CADM2: variants seen among roughly 807,000 people sequenced by gnomAD.
CADM2 encodes immunoglobulin superfamily member 4D.
A neutral mutation model predicts 49.8 loss-of-function variants in CADM2; 12 were observed. The observed-to-expected ratio is 0.24, with a 90% CI of 0.15 to 0.39. The LOEUF (loss-of-function observed/expected upper bound fraction) is 0.39. Ranked by LOEUF, CADM2 falls within the 10% of genes least tolerant of loss-of-function variation. CADM2 has a pLI of 1.00. For synonymous variants in CADM2, 214 were observed against 175.4 expected, an observed-to-expected ratio of 1.22 and a Z score of -1.74; for missense variants, 378 against 492.3, an observed-to-expected ratio of 0.77 and a Z score of 2.20.
intron 1 of CADM2, among the ~76,000 whole-genome samples, chr3:85,266,559 C>A (rs1474459745): frequency 1.6e-5 from 1 of 60,844 alleles, no homozygotes; most frequent in Non-Finnish European, 4.0e-5. Flanking sequence ...TGATTTATCT[C>A]AATGATAAGG....
intron 2 of CADM2, among the ~76,000 whole-genome samples, chr3:85,763,282 A>C (rs2069486919): frequency 6.6e-6 from 1 of 152,184 alleles, no homozygotes; most frequent in African/African-American, 2.4e-5. Context: ...ATCCCATGCT[A>C]ACTTCTCATA....
chr3:85,790,507 C>A (rs2071260023), intron 2 of CADM2, among the ~76,000 whole-genome samples: 1 of 152,126 alleles, frequency 6.6e-6, no homozygotes, highest in African/African-American at 2.4e-5. Flanking sequence ...AATTATAATT[C>A]TCTGGGTCAG....
intron 1 of CADM2, among the ~76,000 whole-genome samples, chr3:85,494,861 G>A (rs1210208270): frequency 2.0e-5 from 3 of 152,100 alleles, no homozygotes; most frequent in South Asian, 2.1e-4. Flanking sequence ...CTCCCTTGTA[G>A]GTCTATGCTG....
At chr3:85,621,581 C>T (rs2063979172) in intron 1 of CADM2, among the ~76,000 whole-genome samples, 1 of 152,086 alleles carries the variant, frequency 6.6e-6, no homozygotes, top group Non-Finnish European at 1.5e-5. Context: ...TGCGATTACT[C>T]TGCTCTGTTT....
chr3:85,968,401 T>C (rs1418530243), intron 8 of CADM2, among the ~76,000 whole-genome samples: 1 of 151,328 alleles, frequency 6.6e-6, no homozygotes, highest in Non-Finnish European at 1.5e-5. Flanking sequence ...GGCTTAATTA[T>C]ATGTCTCTGT....
At chr3:85,774,582 C>T (rs1350600789) in intron 2 of CADM2, among the ~76,000 whole-genome samples, 6 of 151,254 alleles carry the variant, frequency 4.0e-5, no homozygotes, top group Admixed American at 4.0e-4. Flanking sequence ...CTCTTGCAAC[C>T]AGAAATATTG....
intron 7 of CADM2, 86 bp downstream of exon 7, chr3:85,935,943 G>A (rs1332140255): frequency 1.5e-6 from 1 of 683,908 alleles, no homozygotes; most frequent in African/African-American, 1.8e-5. Flanking sequence ...GAAATCCACA[G>A]TTTGTGTCTT....
chr3:85,927,815 C>A (rs1720068363), intron 6 of CADM2, among the ~76,000 whole-genome samples: 2 of 149,380 alleles, frequency 1.3e-5, no homozygotes, highest in Admixed American at 6.9e-5. Flanking sequence ...TATTCAATTA[C>A]AAAAGAAATA....
intron 1 of CADM2, among the ~76,000 whole-genome samples, chr3:85,043,883 C>T (rs2035545502): frequency 6.6e-6 from 1 of 152,028 alleles, no homozygotes; most frequent in African/African-American, 2.4e-5. Context: ...ATGAATGCTA[C>T]CAAACTTCTA....
Position 85,726,463 on chromosome 3 carries a change from A to T in CADM2, c.62-59A>T, listed in dbSNP as rs2067699009. ...TAACATCTCTGCTTTCTTACTAGAG[A>T]ATCTGTCTAATATCTAATATGTTTG... On this transcript the variant is annotated intron_variant, in intron 1 of 9. Coordinates refer to ENST00000383699, the MANE Select transcript of CADM2 (RefSeq NM_001167675.2). 5 of 1,588,214 alleles carry T rather than the reference A, an allele frequency of 3.1e-6. No homozygotes were observed. In the African/African-American group the frequency reaches 4.0e-5, roughly 13 times the overall value.
chr3:85,566,717 A>C lies in CADM2; in HGVS notation c.62-159805A>C, dbSNP rs146571919. ...TTGAATTTGTGTTTTAGTTTAGTTGATGTAGAGATTACAAACTTGCAGCAC... is the reference window on the plus strand; with the variant it reads ...TTGAATTTGTGTTTTAGTTTAGTTGCTGTAGAGATTACAAACTTGCAGCAC... On this transcript the variant is annotated intron_variant, in intron 1 of 9. Transcript: ENST00000383699. 1.8e-3 allele frequency among the ~76,000 whole-genome samples: 279 copies of C among 152,314 alleles called. 1 individual carries two copies. Among genetic ancestry groups the C allele is most frequent in the Non-Finnish European group, 3.6e-3 (242 of 68,024 alleles).
At chr3:85,633,519 C>T (rs1210205390) in intron 1 of CADM2, among the ~76,000 whole-genome samples, 1 of 151,968 alleles carries the variant, frequency 6.6e-6, no homozygotes, top group Non-Finnish European at 1.5e-5. Context: ...ATACTAATGT[C>T]CAGGCCCCTC....
intron 1 of CADM2, among the ~76,000 whole-genome samples, chr3:85,031,655 C>G (rs1423203598): frequency 6.6e-6 from 1 of 152,116 alleles, no homozygotes; most frequent in Admixed American, 6.5e-5. Flanking sequence ...GCTGGGACTA[C>G]AGGCACACGC....
chr3:85,274,838 G>A (rs912896763), intron 1 of CADM2, among the ~76,000 whole-genome samples: 13 of 151,422 alleles, frequency 8.6e-5, no homozygotes, highest in African/African-American at 3.1e-4. Context: ...CAAAAATGCA[G>A]TTTCTAGTCT....
intron 8 of CADM2, chr3:85,979,425 G>T (rs1727204848): frequency 2.2e-6 from 2 of 891,818 alleles, no homozygotes; most frequent in Non-Finnish European, 1.6e-6. Flanking sequence ...TATCAATTAG[G>T]GTTATTGGAA....
Position 85,999,657 on chromosome 3 carries a change from AAAAG to A in CADM2, c.970+38026_970+38029del, listed in dbSNP as rs370170222. On this transcript the variant is annotated intron_variant, in intron 8 of 9. Coordinates refer to ENST00000383699, the MANE Select transcript of CADM2 (RefSeq NM_001167675.2). Reference sequence around the variant, plus strand: ...AGAAAGAAAGAAAGAAAGGAAAGAAAAAAGAAAGAAAGAAAGAAAAAGAAAGAAA... The same window carrying A: ...AGAAAGAAAGAAAGAAAGGAAAGAAAAAAGAAAGAAAGAAAAAGAAAGAAA... Among the ~76,000 whole-genome samples, 1,329 of 151,538 alleles carry A rather than the reference AAAAG, an allele frequency of 8.8e-3. 17 individuals carry two copies. Among genetic ancestry groups the A allele is most frequent in the African/African-American group, 0.027 (1,117 of 41,134 alleles).
Position 84,995,173 on chromosome 3 carries a change from A to G in CADM2, c.61+35505A>G, listed in dbSNP as rs111594237. ...TTTTTGCTAAAACATTTGAGGCAGC[A>G]TGGTATAAGGGTTAGTCACATTCCA... On this transcript the variant is annotated intron_variant, in intron 1 of 9. Coordinates refer to ENST00000383699, the MANE Select transcript of CADM2 (RefSeq NM_001167675.2). Among the ~76,000 whole-genome samples, 130 of 152,324 alleles carry G rather than the reference A, an allele frequency of 8.5e-4. No homozygotes were observed. The Middle Eastern group carries it at 0.017, about 20-fold the overall frequency.
chr3:85,681,747 T>A (rs995307514), intron 1 of CADM2, among the ~76,000 whole-genome samples: 3 of 152,172 alleles, frequency 2.0e-5, no homozygotes, highest in Non-Finnish European at 4.4e-5. Flanking sequence ...AACTTCATAG[T>A]AGCACAGAGA....
intron 8 of CADM2, among the ~76,000 whole-genome samples, chr3:85,984,214 G>A (rs1034604895): frequency 6.7e-6 from 1 of 150,200 alleles, no homozygotes; most frequent in Non-Finnish European, 1.5e-5. Context: ...TATTATACAT[G>A]TTACTTTTTT....
Sources: allele counts gnomAD v4.1 joint callset (sites outside exome capture counted in the v4.1 genomes callset), GRCh38; gene constraint gnomAD v4.1.1; transcripts MANE v1.5; gene names NCBI Gene and HGNC (gene_info 2026-07-23, HGNC 2026-07-21).